The following ABL1 variants were observed in gnomAD, a reference collection of about 807,000 sequenced individuals.
The protein encoded by ABL1 is ABL proto-oncogene 1, non-receptor tyrosine kinase, also known as tyrosine-protein kinase ABL1.
A neutral mutation model predicts 94.7 loss-of-function variants in ABL1; 11 were observed. The ratio of observed to expected loss-of-function variants is 0.12; its 90% CI spans 0.07 to 0.19. The LOEUF is 0.19. Ranked by LOEUF, ABL1 falls within the 10% of genes least tolerant of loss-of-function variation. The probability of loss-of-function intolerance (pLI) is 1.00; values close to 1 mark genes in which losing one functional copy is unlikely to be tolerated. For missense variants in ABL1, 1,082 were observed against 1,489.4 expected, an observed-to-expected ratio of 0.73 and a Z score of 4.50; for synonymous variants, 656 against 622.4, an observed-to-expected ratio of 1.05 and a Z score of -0.80.
chr9:130,839,660 T>C (rs1830639647), intron 1 of ABL1, among the ~76,000 whole-genome samples: 1 of 152,190 alleles, frequency 6.6e-6, no homozygotes, highest in South Asian at 2.1e-4. Flanking sequence ...CTCTCTGAGC[T>C]TCCGTGTTTT....
rs1829812231 is a variant in ABL1 at position 130,785,334 on chromosome 9, G to A, written c.137-68730G>A. ...CAGCTCCAACCACACACACCCTGCA[G>A]GGAGTTTCTCCACCACGTGGTGGGC... On this transcript the variant is annotated intron_variant, in intron 1 of 10. Coordinates refer to the ABL1 transcript ENST00000372348. Among the ~76,000 whole-genome samples, 3 of 152,152 alleles carry A rather than the reference G, an allele frequency of 2.0e-5. No homozygotes were observed. The South Asian group carries it at 6.2e-4, about 32-fold the overall frequency.
At chr9:130,724,973 G>A in intron 1 of ABL1, 2 of 324,610 alleles carry the variant, frequency 6.2e-6, no homozygotes, top group South Asian at 2.9e-5. Flanking sequence ...GAAGGTGACA[G>A]GCCTTAGAGC....
chr9:130,816,412 G>A (rs890108287), intron 1 of ABL1, among the ~76,000 whole-genome samples: 4 of 151,904 alleles, frequency 2.6e-5, no homozygotes, highest in South Asian at 2.1e-4. Flanking sequence ...GGACTCAAAC[G>A]ATCCTCCTGC....
At chr9:130,858,408 T>G (rs957021070) in intron 3 of ABL1, among the ~76,000 whole-genome samples, 2 of 152,088 alleles carry the variant, frequency 1.3e-5, no homozygotes, top group African/African-American at 4.8e-5. Context: ...TGTCCACCAT[T>G]GGGCAACACA....
intron 1 of ABL1, among the ~76,000 whole-genome samples, chr9:130,801,851 C>T (rs1330177833): frequency 6.6e-6 from 1 of 152,070 alleles, no homozygotes; most frequent in Non-Finnish European, 1.5e-5. Context: ...TGCTCTTTAT[C>T]TTTGGTTTTG....
At position 130,835,710 on chromosome 9, in the gene ABL1, CTCTCTGTG is replaced by C. The variant is rs1830566062; in HGVS notation, c.79+189_79+196del. ...TCTTATATTCTGTCTCTCTTTCTTT[CTCTCTGTG>C]TCTGTCTCTTTTCTCTTCTCTTGTC... On this transcript the variant is annotated intron_variant, in intron 1 of 10. Transcript: ENST00000318560. The surrounding 1 kb of genome is among the most constrained non-coding windows in gnomAD (Gnocchi z 4.6). 6.6e-6 allele frequency among the ~76,000 whole-genome samples: 1 copy of C among 151,948 alleles called. No individual in the cohort carries two copies. Among genetic ancestry groups the C allele is most frequent in the African/African-American group, 2.4e-5 (1 of 41,460 alleles).
At position 130,842,280 on chromosome 9, in the gene ABL1, G is replaced by A. The variant is rs75513091; in HGVS notation, c.79+6755G>A. Among the ~76,000 whole-genome samples the A allele has an allele frequency of 4.2e-3, 643 of 152,230 alleles. 1 individual carries two copies. Among genetic ancestry groups the A allele is most frequent in the Non-Finnish European group, 6.4e-3 (435 of 68,024 alleles). On this transcript the variant is annotated intron_variant, in intron 1 of 10. Transcript: ENST00000318560. ...CAAATGCCTTCATAATAGAGTCTAC[G>A]TAATAAGGTTATAGGGATTCAGTGC...
intron 1 of ABL1, among the ~76,000 whole-genome samples, chr9:130,769,142 T>C (rs1223534770): frequency 6.6e-6 from 1 of 152,074 alleles, no homozygotes; most frequent in Non-Finnish European, 1.5e-5. Flanking sequence ...AACAGAATAG[T>C]GCTTGTTGTA....
intron 1 of ABL1, among the ~76,000 whole-genome samples, chr9:130,718,807 G>T (rs930715649): frequency 2.6e-5 from 4 of 151,994 alleles, no homozygotes; most frequent in Non-Finnish European, 5.9e-5. Context: ...ACTTGAGCTC[G>T]GGAGGCCAAT....
intron 1 of ABL1, among the ~76,000 whole-genome samples, chr9:130,782,710 C>T (rs1189918503): frequency 6.6e-6 from 1 of 152,252 alleles, no homozygotes; most frequent in African/African-American, 2.4e-5. Flanking sequence ...CTGTTAGCTG[C>T]TGCTGCTGCC....
intron 1 of ABL1, among the ~76,000 whole-genome samples, chr9:130,729,032 G>A (rs1483616996): frequency 2.0e-5 from 3 of 152,156 alleles, no homozygotes; most frequent in Non-Finnish European, 4.4e-5. Context: ...ATTACTGTAA[G>A]TGACTGGTCG....
At chr9:130,741,323 G>T (rs1042913902) in intron 1 of ABL1, among the ~76,000 whole-genome samples, 5 of 151,226 alleles carry the variant, frequency 3.3e-5, no homozygotes, top group African/African-American at 1.2e-4. Context: ...CGGCACTGAT[G>T]CACCAGTTAC....
At chr9:130,843,196 C>T (rs187810689) in intron 1 of ABL1, among the ~76,000 whole-genome samples, 9 of 152,306 alleles carry the variant, frequency 5.9e-5, no homozygotes, top group Admixed American at 3.3e-4. Flanking sequence ...TGTGTTGTTG[C>T]GTTGCACTGA....
intron 3 of ABL1, among the ~76,000 whole-genome samples, chr9:130,861,337 A>T (rs1831067320): frequency 1.3e-5 from 2 of 152,204 alleles, no homozygotes; most frequent in South Asian, 4.1e-4. Flanking sequence ...CACTTGTGTT[A>T]TCTCCCCAAG....
intron 1 of ABL1, among the ~76,000 whole-genome samples, chr9:130,791,081 A>G (rs917153337): frequency 6.6e-6 from 1 of 152,270 alleles, no homozygotes; most frequent in Non-Finnish European, 1.5e-5. Flanking sequence ...GAAAGGAAAG[A>G]AATTCATGTC....
At position 130,825,766 on chromosome 9, in the gene ABL1, T is replaced by TA. The variant is rs371934729; in HGVS notation, c.137-28297dup. On this transcript the variant is annotated intron_variant, in intron 1 of 10. Transcript: ENST00000372348. The stretch of plus-strand genomic sequence containing the variant: ...TCTCTTTAAGTTTAATTCAAGCACT[T>TA]AGAGTTTAATAAGAATATCCCAAAC... Among the ~76,000 whole-genome samples the TA allele has an allele frequency of 1.9e-3, 296 of 152,376 alleles. 3 individuals carry two copies. Among genetic ancestry groups the TA allele is most frequent in the African/African-American group, 6.5e-3 (272 of 41,596 alleles).
intron 1 of ABL1, among the ~76,000 whole-genome samples, chr9:130,844,620 G>A (rs1314546900): frequency 6.6e-6 from 1 of 152,064 alleles, no homozygotes; most frequent in East Asian, 1.9e-4. Context: ...GGCCAACATG[G>A]TGAAACCCCG....
chr9:130,867,172 T>C (rs1158631481), intron 4 of ABL1, among the ~76,000 whole-genome samples: 1 of 152,212 alleles, frequency 6.6e-6, no homozygotes, highest in East Asian at 1.9e-4. Context: ...ATATATTTTT[T>C]TGAATAGGTT....
chr9:130,828,951 C>A (rs1830461213), intron 1 of ABL1, among the ~76,000 whole-genome samples: 1 of 152,028 alleles, frequency 6.6e-6, no homozygotes, highest in South Asian at 2.1e-4. Context: ...AAGGCCATAT[C>A]ATTGTGAAAG....
Sources: gnomAD v4.1 joint callset for allele counts (sites outside exome capture counted in the v4.1 genomes callset) on GRCh38, gnomAD v4.1.1 for gene constraint, Gnocchi (gnomAD v3.1) non-coding constraint, MANE v1.5 for transcripts, NCBI Gene and HGNC (gene_info 2026-07-23, HGNC 2026-07-21) for gene names.